The following ZNF236 variants were observed in gnomAD, a reference collection of about 807,000 sequenced individuals.
The protein encoded by ZNF236 is zinc finger protein 236.
Under a neutral mutation model 191.2 loss-of-function variants are expected in ZNF236, and 50 were observed. The ratio of observed to expected loss-of-function variants is 0.26; its 90% CI spans 0.21 to 0.33. The LOEUF (loss-of-function observed/expected upper bound fraction) is 0.33. Among genes scored for constraint, ZNF236 ranks in the 10% least tolerant of loss-of-function variants. The pLI is 1.00. For missense variants in ZNF236, 1,754 were observed against 2,374.5 expected (o/e 0.74, Z 5.43); for synonymous variants, 907 against 928.8 (o/e 0.98, Z 0.43).
chr18:76,869,392 T>A (rs1394301638), intron 4 of ZNF236, among the ~76,000 whole-genome samples: 1 of 152,222 alleles, frequency 6.6e-6, no homozygotes, highest in Non-Finnish European at 1.5e-5. Context: ...AGTCAGGAGT[T>A]TGAAATTTAA....
In ZNF236 at chr18:76,838,974, A is replaced by G. The variant is rs555905351; in HGVS notation, c.56-10552A>G. 8.5e-4 allele frequency among the ~76,000 whole-genome samples: 130 copies of G among 152,386 alleles called. 1 individual carries two copies. The highest frequency in any genetic ancestry group is 3.0e-3 in the African/African-American group (126 of 41,600). On this transcript the variant is annotated intron_variant, in intron 1 of 30. Transcript: ENST00000320610. ...CTATTTGTTTAACTTTTTAAATAAA[A>G]TGAAACCATACAGATTGTTTTCTTA... is the stretch of plus-strand genomic sequence containing the variant.
chr18:76,876,678 C>T (rs1976726638), intron 6 of ZNF236, among the ~76,000 whole-genome samples: 2 of 152,280 alleles, frequency 1.3e-5, no homozygotes, highest in Non-Finnish European at 2.9e-5. Flanking sequence ...TAGTGAGGTA[C>T]TGAGGTTACC....
rs566019848 is a variant in ZNF236 at position 76,971,923 on chromosome 18, G to A, written c.*3584G>A. ...TGAAGCTTATTTCAGAATTAATACC[G>A]TGCCCTTCCCTGACTAAAAAAAGTT... is the stretch of plus-strand genomic sequence containing the variant. On this transcript the variant is annotated 3_prime_UTR_variant, in exon 31 of 31. Coordinates refer to ENST00000320610, the MANE Select transcript of ZNF236 (RefSeq NM_001306089.2). Among the ~76,000 whole-genome samples, 3 of 152,042 alleles carry A rather than the reference G, an allele frequency of 2.0e-5. No individual in the cohort carries two copies. Among genetic ancestry groups the A allele is most frequent in the African/African-American group, 2.4e-5 (1 of 41,392 alleles).
chr18:76,923,528 G>A (rs1295205263), intron 21 of ZNF236, among the ~76,000 whole-genome samples: 1 of 152,260 alleles, frequency 6.6e-6, no homozygotes, highest in Non-Finnish European at 1.5e-5. Context: ...TAGCAAATCT[G>A]ATGGCAGTTA....
At chr18:76,968,021 C>T (rs1161870803) in intron 30 of ZNF236, among the ~76,000 whole-genome samples, 194 bp from the exon 31 acceptor site, 1 of 152,182 alleles carries the variant, frequency 6.6e-6, no homozygotes, top group Non-Finnish European at 1.5e-5. Flanking sequence ...GTTCATACTC[C>T]TAACAGTAAC....
intron 14 of ZNF236, among the ~76,000 whole-genome samples, chr18:76,909,212 G>A (rs977432661): frequency 3.3e-5 from 5 of 151,772 alleles, no homozygotes; most frequent in African/African-American, 1.2e-4. Flanking sequence ...CTACATAGGA[G>A]GCTGAGGCAG....
At chr18:76,843,368 C>T (rs1017209188) in intron 1 of ZNF236, among the ~76,000 whole-genome samples, 3 of 152,088 alleles carry the variant, frequency 2.0e-5, no homozygotes, top group African/African-American at 4.8e-5. Context: ...AAAAAGGGCT[C>T]CAGGATCCAG....
chr18:76,822,899 C>A (rs1974897410), intron 1 of ZNF236, among the ~76,000 whole-genome samples: 1 of 147,890 alleles, frequency 6.8e-6, no homozygotes, highest in East Asian at 2.0e-4. Context: ...CTGGGCCGGG[C>A]GGCGGCTGAG....
At chr18:76,938,312 C>T (rs984877304) in intron 26 of ZNF236, among the ~76,000 whole-genome samples, 1 of 152,100 alleles carries the variant, frequency 6.6e-6, no homozygotes, top group Non-Finnish European at 1.5e-5. Flanking sequence ...ATTGGGTGAG[C>T]CTGGGAAGTC....
chr18:76,873,240 C>T (rs1373849534), intron 5 of ZNF236, among the ~76,000 whole-genome samples: 1 of 152,178 alleles, frequency 6.6e-6, no homozygotes, highest in African/African-American at 2.4e-5. Context: ...TCTCAGTTGT[C>T]ATTTACCTTT....
chr18:76,899,040 C>T lies in ZNF236; in HGVS notation c.1712C>T (p.Pro571Leu). ...LHTGVRPFACPHCDKKFRTSG... is the reference protein window; with the variant it reads ...LHTGVRPFACLHCDKKFRTSG... ...TTAGGAGTTAGACCTTTTGCTTGTC[C>T]TCACTGTGACAAAAAATTTCGAACC... Residue 571 changes from proline (P) to leucine (L), a missense_variant, in exon 11 of 31, where the codon CCT (proline) becomes CTT (leucine). This residue lies in a region of ZNF236 where 641 missense variants were observed against 869.6 expected (regional missense o/e 0.74). Coordinates refer to ENST00000320610, the MANE Select transcript of ZNF236 (RefSeq NM_001306089.2). 1 of 1,614,014 alleles carries T rather than the reference C, an allele frequency of 6.2e-7. No homozygotes were observed. Among genetic ancestry groups the T allele is most frequent in the Non-Finnish European group, 8.5e-7 (1 of 1,179,938 alleles).
At chr18:76,911,916 G>A (rs1478081081) in intron 16 of ZNF236, among the ~76,000 whole-genome samples, 4 of 152,126 alleles carry the variant, frequency 2.6e-5, no homozygotes, top group African/African-American at 9.7e-5. Flanking sequence ...ACTCTCTGAA[G>A]GTGGGATTTT....
At chr18:76,910,524 A>G (rs3752077) in intron 15 of ZNF236, 136 bp from the exon 16 acceptor site, 19,610 of 854,008 alleles carry the variant, frequency 0.023, 278 homozygotes, top group Middle Eastern at 0.033. Flanking sequence ...AAGCTTGCTA[A>G]TAGCAGCTAG....
At chr18:76,896,466 A>G (rs1317668600) in intron 10 of ZNF236, among the ~76,000 whole-genome samples, 1 of 150,844 alleles carries the variant, frequency 6.6e-6, no homozygotes, top group African/African-American at 2.4e-5. Context: ...CACAGGTACC[A>G]CAGTACCACA....
intron 10 of ZNF236, among the ~76,000 whole-genome samples, chr18:76,898,452 A>G (rs968088742): frequency 1.3e-5 from 2 of 152,236 alleles, no homozygotes; most frequent in Non-Finnish European, 2.9e-5. Flanking sequence ...TTTCTTTGGA[A>G]TTTACATTTT....
chr18:76,835,098 T>G (rs1193587885), intron 1 of ZNF236, among the ~76,000 whole-genome samples: 1 of 152,138 alleles, frequency 6.6e-6, no homozygotes, highest in African/African-American at 2.4e-5. Flanking sequence ...TTCTACAGTT[T>G]TAACTGCATC....
chr18:76,895,631 G>T (rs1977382468), intron 10 of ZNF236, among the ~76,000 whole-genome samples: 1 of 147,632 alleles, frequency 6.8e-6, no homozygotes, highest in Non-Finnish European at 1.5e-5. Flanking sequence ...TATGCAACAG[G>T]GCACTGTGCA....
rs1299564020 is a variant in ZNF236, at chr18:76,971,324, C to T, written c.*2985C>T. 6.6e-6 allele frequency among the ~76,000 whole-genome samples: 1 copy of T among 152,200 alleles called. No individual in the cohort carries two copies. The highest frequency in any genetic ancestry group is 1.5e-5 in the Non-Finnish European group (1 of 68,032). ...TTTTTCCCCTTTGAAAAACTTGAGG[C>T]ACTTAGAAAGTATCTAAATAGAGGA... On this transcript the variant is annotated 3_prime_UTR_variant, in exon 31 of 31. Coordinates refer to ENST00000320610, the MANE Select transcript of ZNF236 (RefSeq NM_001306089.2).
At chr18:76,916,648 A>G (rs1967372151) in intron 19 of ZNF236, among the ~76,000 whole-genome samples, 1 of 152,210 alleles carries the variant, frequency 6.6e-6, no homozygotes, top group Admixed American at 6.5e-5. Context: ...AGCACATTTT[A>G]TATTTTGACA....
Sources: allele counts gnomAD v4.1 joint callset (sites outside exome capture counted in the v4.1 genomes callset), GRCh38; gene constraint gnomAD v4.1.1; regional missense constraint gnomAD v4.1.1; transcripts MANE v1.5; gene names NCBI Gene and HGNC (gene_info 2026-07-23, HGNC 2026-07-21).